EVL: variants seen among roughly 807,000 people sequenced by gnomAD.
EVL encodes ena/VASP-like protein.
In EVL, 21 loss-of-function variants were observed where a neutral mutation model predicts 59.6. That is an observed-to-expected ratio of 0.35 (90% CI 0.25 to 0.51). The LOEUF (loss-of-function observed/expected upper bound fraction) is 0.51. Among genes scored for constraint, EVL ranks in the 20% least tolerant of loss-of-function variants. The pLI is 0.97. For synonymous variants in EVL, 198 were observed against 203.5 expected, an observed-to-expected ratio of 0.97 and a Z score of 0.23; for missense variants, 462 against 546.6, an observed-to-expected ratio of 0.85 and a Z score of 1.54.
chr14:100,092,415 A>T (rs1458775830), intron 2 of EVL, among the ~76,000 whole-genome samples: 1 of 152,174 alleles, frequency 6.6e-6, no homozygotes, highest in Non-Finnish European at 1.5e-5. Flanking sequence ...AGTTGTGGTT[A>T]AAAAAATGGA....
At chr14:100,018,690 G>A (rs1392264373) in intron 1 of EVL, among the ~76,000 whole-genome samples, 1 of 152,174 alleles carries the variant, frequency 6.6e-6, no homozygotes, top group Non-Finnish European at 1.5e-5. Flanking sequence ...TGATGACACT[G>A]GGGTCAAGGG....
chr14:100,063,977 T>C (rs2061882216), upstream of EVL, among the ~76,000 whole-genome samples: 3 of 152,086 alleles, frequency 2.0e-5, no homozygotes, highest in African/African-American at 4.8e-5. Flanking sequence ...GAAGCACTTA[T>C]CAATAATCCA....
chr14:100,075,194 T>C (rs2062135510), intron 1 of EVL, among the ~76,000 whole-genome samples: 1 of 152,244 alleles, frequency 6.6e-6, no homozygotes, highest in Non-Finnish European at 1.5e-5. Flanking sequence ...GCAAGTGATG[T>C]GCTTCAGAGA....
In EVL at chr14:100,125,507, G is replaced by C. The variant is rs548530330; in HGVS notation, c.423-1200G>C. Among the ~76,000 whole-genome samples, 100 of 152,118 alleles carry C rather than the reference G, an allele frequency of 6.6e-4. 1 individual carries two copies. The highest frequency in any genetic ancestry group is 2.5e-3 in the Admixed American group (38 of 15,286). ...CAGTTTGAGCAGAGACACTAATGTA[G>C]ATGCTGCTGGGAGCTTTTCAGACCT... On this transcript the variant is annotated intron_variant, in intron 4 of 13. Transcript: ENST00000392920.
At chr14:100,038,012 C>G (rs936968332) in intron 1 of EVL, among the ~76,000 whole-genome samples, 4 of 152,166 alleles carry the variant, frequency 2.6e-5, no homozygotes, top group Non-Finnish European at 5.9e-5. Flanking sequence ...GTTGTGATCA[C>G]CAGGTTAGTT....
At chr14:100,102,148 T>A (rs998132113) in intron 3 of EVL, among the ~76,000 whole-genome samples, 1 of 152,248 alleles carries the variant, frequency 6.6e-6, no homozygotes. Context: ...GACTTGCATT[T>A]TTCCTTACTG....
At chr14:99,984,525 G>T (rs1052262097) in intron 1 of EVL, among the ~76,000 whole-genome samples, 1 of 152,156 alleles carries the variant, frequency 6.6e-6, no homozygotes, top group Non-Finnish European at 1.5e-5. Context: ...TGAGAAGGTT[G>T]TACAGAGAGT....
At chr14:100,076,086 G>A (rs1278646424) in intron 1 of EVL, among the ~76,000 whole-genome samples, 1 of 152,188 alleles carries the variant, frequency 6.6e-6, no homozygotes, top group Non-Finnish European at 1.5e-5. Flanking sequence ...TCAAACCTCT[G>A]GATGTAGGAA....
chr14:100,087,569 G>GC (rs2062473686), intron 2 of EVL, among the ~76,000 whole-genome samples: 1 of 152,164 alleles, frequency 6.6e-6, no homozygotes, highest in Non-Finnish European at 1.5e-5. Flanking sequence ...AGCCGTGGTC[G>GC]CGCCACTGCA....
At chr14:100,001,626 A>G (rs1005071880) in intron 1 of EVL, among the ~76,000 whole-genome samples, 4 of 152,226 alleles carry the variant, frequency 2.6e-5, no homozygotes, top group Non-Finnish European at 5.9e-5. Flanking sequence ...AGACAAGCCC[A>G]GCCGTGGATT....
intron 12 of EVL, 134 bp from the exon 13 acceptor site, chr14:100,141,602 C>A: frequency 1.3e-6 from 1 of 777,226 alleles, no homozygotes; most frequent in South Asian, 2.0e-5. Context: ...AAGGGGGCCA[C>A]GAGGAGACAA....
chr14:100,129,705 A>T (rs889532442), intron 7 of EVL, 21 bp downstream of exon 7: 1 of 1,536,768 alleles, frequency 6.5e-7, no homozygotes. Context: ...ACACCTCCCG[A>T]GACTTGGTGT....
intron 1 of EVL, among the ~76,000 whole-genome samples, chr14:100,073,001 A>G (rs2062081539): frequency 6.6e-6 from 1 of 152,014 alleles, no homozygotes; most frequent in African/African-American, 2.4e-5. Context: ...ATCACTGCAG[A>G]ATGTTTTTCA....
chr14:100,106,889 C>T, intron 3 of EVL: 2 of 398,664 alleles, frequency 5.0e-6, no homozygotes, highest in Non-Finnish European at 8.8e-6. Context: ...CCTGATATGA[C>T]CCAGTCAGGA....
chr14:100,142,605 T>C lies in EVL; in HGVS notation c.1219+812T>C, dbSNP rs74085138. Among the ~76,000 whole-genome samples the C allele has an allele frequency of 0.016, 2,442 of 152,112 alleles. 122 individuals carry two copies. In the East Asian group the frequency reaches 0.19, roughly 12 times the overall value. On this transcript the variant is annotated intron_variant, in intron 13 of 13. Coordinates refer to ENST00000392920, the MANE Select transcript of EVL (RefSeq NM_016337.3). ...AAAGGGTCCCACAAGCGCACAGGGGTGGAGGCTGATGGCAGAGGGAAGAGG... is the reference window on the plus strand; with the variant it reads ...AAAGGGTCCCACAAGCGCACAGGGGCGGAGGCTGATGGCAGAGGGAAGAGG...
chr14:100,017,190 G>C (rs1306988265), intron 1 of EVL, among the ~76,000 whole-genome samples: 1 of 152,168 alleles, frequency 6.6e-6, no homozygotes, highest in Admixed American at 6.5e-5. Context: ...AAATGAGCTT[G>C]GTGCTGGGAT....
At position 100,021,467 on chromosome 14, in the gene EVL, G is replaced by C. The variant is rs140254463; in HGVS notation, c.5+49410G>C. 8.9e-4 allele frequency among the ~76,000 whole-genome samples: 136 copies of C among 152,318 alleles called. 3 individuals are homozygous for C. The East Asian group carries it at 0.025, about 28-fold the overall frequency. On this transcript the variant is annotated intron_variant, in intron 1 of 13. Coordinates refer to the EVL transcript ENST00000402714. ...ATTTTGTGACTGCTGCATGGTGTCA[G>C]ACAAATGGCTTTCTTCTCTAGTCAT...
rs1229753017 is a variant in EVL, at chr14:100,114,975, G to A, written c.359-8564G>A. 3.3e-5 allele frequency among the ~76,000 whole-genome samples: 5 copies of A among 151,910 alleles called. No homozygotes were observed. The highest frequency in any genetic ancestry group is 4.4e-5 in the Non-Finnish European group (3 of 68,010). On this transcript the variant is annotated intron_variant, in intron 3 of 13. Transcript: ENST00000392920. This position sits in a 1 kb window ranked among gnomAD's most constrained non-coding sequence, Gnocchi z 5.0. ...GCACATGACCTCGGGTAGCTTTTCCGAGCCTCAGTTTCCCCACCTATAAAA... is the reference window on the plus strand; with the variant it reads ...GCACATGACCTCGGGTAGCTTTTCCAAGCCTCAGTTTCCCCACCTATAAAA...
chr14:100,081,154 A>G (rs1203541851), intron 1 of EVL, among the ~76,000 whole-genome samples: 1 of 152,152 alleles, frequency 6.6e-6, no homozygotes, highest in Non-Finnish European at 1.5e-5. Flanking sequence ...GATTTCCTCA[A>G]GGGATAGATG....
Sources: allele counts gnomAD v4.1 joint callset (sites outside exome capture counted in the v4.1 genomes callset), GRCh38; gene constraint gnomAD v4.1.1; non-coding constraint Gnocchi (gnomAD v3.1); transcripts MANE v1.5; gene names NCBI Gene and HGNC (gene_info 2026-07-23, HGNC 2026-07-21).